PBX3: variants seen among roughly 807,000 people sequenced by gnomAD.
The protein encoded by PBX3 is pre-B-cell leukemia transcription factor 3.
In PBX3, 14 loss-of-function variants were observed where a neutral mutation model predicts 48.5. The observed-to-expected ratio is 0.29, with a 90% confidence interval of 0.19 to 0.45. The LOEUF is 0.45. PBX3 is among the 20% of genes least tolerant of loss of function. PBX3 has a pLI of 1.00. For missense variants in PBX3, 386 were observed against 546.7 expected, an observed-to-expected ratio of 0.71 and a Z score of 2.93; for synonymous variants, 210 against 200.3, an observed-to-expected ratio of 1.05 and a Z score of -0.41.
rs1837188849 is a variant in PBX3 at position 125,779,704 on chromosome 9, C to G, written c.274+31081C>G. Among the ~76,000 whole-genome samples the G allele has an allele frequency of 2.1e-5, 3 of 143,586 alleles. No individual in the cohort carries two copies. The Admixed American group carries it at 2.1e-4, about 10-fold the overall frequency. The allele number at this position is 143,586 out of a possible 152,430, so 94.2% of individuals were successfully genotyped here. ...ACCATCCGATTTCTCAATCTTTTCC[C>G]CACCTTTTCCCCCTTTCTATTCCAC... is the stretch of plus-strand genomic sequence containing the variant. On this transcript the variant is annotated intron_variant, in intron 2 of 8. Transcript: ENST00000373489.
intron 5 of PBX3, among the ~76,000 whole-genome samples, chr9:125,941,395 T>A (rs1245032694): frequency 6.6e-6 from 1 of 152,162 alleles, no homozygotes; most frequent in African/African-American, 2.4e-5. Flanking sequence ...AGGAGTGACA[T>A]GGATCTGACT....
intron 2 of PBX3, among the ~76,000 whole-genome samples, chr9:125,828,760 G>A (rs1046903071): frequency 2.0e-5 from 3 of 152,156 alleles, no homozygotes; most frequent in Non-Finnish European, 4.4e-5. Context: ...TATTCAATTT[G>A]TTAGAAAATC....
rs764891089 is a variant in PBX3, at chr9:125,870,624, A to C, written c.275-45062A>C. On this transcript the variant is annotated intron_variant, in intron 2 of 8. Coordinates refer to ENST00000373489, the MANE Select transcript of PBX3 (RefSeq NM_006195.6). Reference sequence around the variant, plus strand: ...CAAATTGTGGGAGCTACAATTCAAGATGAGGTTTGGGTGGGGACACAGCCA... The same window carrying C: ...CAAATTGTGGGAGCTACAATTCAAGCTGAGGTTTGGGTGGGGACACAGCCA... Among the ~76,000 whole-genome samples the C allele has an allele frequency of 2.0e-5, 3 of 152,212 alleles. No individual in the cohort carries two copies. The South Asian group carries it at 6.2e-4, about 32-fold the overall frequency.
chr9:125,809,325 CTTTAT>C (rs1390963058), intron 2 of PBX3, among the ~76,000 whole-genome samples: 7 of 151,824 alleles, frequency 4.6e-5, no homozygotes, highest in African/African-American at 1.7e-4. Context: ...TATAGAGTGA[CTTTAT>C]TTTATTCTTG....
At chr9:125,832,499 G>C (rs960739849) in intron 2 of PBX3, among the ~76,000 whole-genome samples, 3 of 152,058 alleles carry the variant, frequency 2.0e-5, no homozygotes, top group Admixed American at 6.5e-5. Context: ...CCAGCCTAAT[G>C]GTTTTCAGAT....
intron 2 of PBX3, among the ~76,000 whole-genome samples, chr9:125,770,279 A>G (rs186679024): frequency 1.3e-5 from 2 of 152,326 alleles, no homozygotes; most frequent in African/African-American, 4.8e-5. Context: ...CATGTGTAAT[A>G]TGAACTGTTG....
rs1245068285 is a variant in PBX3 at position 125,759,942 on chromosome 9, C to G, written c.274+11319C>G. Among the ~76,000 whole-genome samples, 1 of 152,210 alleles carries G rather than the reference C, an allele frequency of 6.6e-6. No homozygotes were observed. The highest frequency in any genetic ancestry group is 2.4e-5 in the African/African-American group (1 of 41,456). ...AACGATTGATTGGATTTGAGGGTTA[C>G]AATTGTGGGAGCACTGCTGTTGTCA... On this transcript the variant is annotated intron_variant, in intron 2 of 8. Coordinates refer to ENST00000373489, the MANE Select transcript of PBX3 (RefSeq NM_006195.6). This position sits in a 1 kb window ranked among gnomAD's most constrained non-coding sequence, Gnocchi z 4.2.
At chr9:125,840,072 G>A (rs1839246735) in intron 2 of PBX3, among the ~76,000 whole-genome samples, 1 of 151,964 alleles carries the variant, frequency 6.6e-6, no homozygotes, top group South Asian at 2.1e-4. Flanking sequence ...TTTTAAAAAT[G>A]TTTTTCATGT....
chr9:125,801,426 A>T (rs867385294), intron 2 of PBX3, among the ~76,000 whole-genome samples: 5 of 152,162 alleles, frequency 3.3e-5, no homozygotes, highest in Admixed American at 2.0e-4. Context: ...TATTTTATGG[A>T]GCTTTGGGAA....
chr9:125,843,489 T>C (rs1160005571), intron 2 of PBX3, among the ~76,000 whole-genome samples: 1 of 151,934 alleles, frequency 6.6e-6, no homozygotes, highest in Non-Finnish European at 1.5e-5. Context: ...CAGAATAAGG[T>C]TGTATTAGAG....
chr9:125,827,615 T>G (rs1838845673), intron 2 of PBX3, among the ~76,000 whole-genome samples: 1 of 152,186 alleles, frequency 6.6e-6, no homozygotes, highest in African/African-American at 2.4e-5. Context: ...GATTTTTTGC[T>G]CACCAGTTTT....
chr9:125,773,696 A>T (rs1836999398), intron 2 of PBX3, among the ~76,000 whole-genome samples: 1 of 152,092 alleles, frequency 6.6e-6, no homozygotes, highest in Admixed American at 6.5e-5. Context: ...CACCTGAGAG[A>T]GAGAGTAGAG....
chr9:125,923,210 T>C (rs2132491294), intron 3 of PBX3, among the ~76,000 whole-genome samples: 1 of 152,366 alleles, frequency 6.6e-6, no homozygotes, highest in African/African-American at 2.4e-5. Context: ...CTCTTTAGAA[T>C]CCATAGACAA....
chr9:125,852,129 T>G (rs930926956), intron 2 of PBX3, among the ~76,000 whole-genome samples: 4 of 152,182 alleles, frequency 2.6e-5, no homozygotes, highest in African/African-American at 9.7e-5. Context: ...TGCCCCCTAC[T>G]TTGTCAGGAT....
intron 2 of PBX3, among the ~76,000 whole-genome samples, chr9:125,906,065 C>A (rs1166438424): frequency 6.6e-6 from 1 of 151,870 alleles, no homozygotes; most frequent in Non-Finnish European, 1.5e-5. Flanking sequence ...TGCATACAGA[C>A]GAATGTTACA....
chr9:125,948,560 T>C (rs1323947267), intron 5 of PBX3, among the ~76,000 whole-genome samples: 1 of 152,158 alleles, frequency 6.6e-6, no homozygotes, highest in Non-Finnish European at 1.5e-5. Context: ...AGTGAAACGA[T>C]AACATACCAA....
intron 3 of PBX3, among the ~76,000 whole-genome samples, chr9:125,925,871 C>T (rs1032419410): frequency 6.6e-5 from 10 of 152,136 alleles, no homozygotes; most frequent in African/African-American, 2.4e-4. Context: ...GCTATTTCTC[C>T]TTGAAGATTT....
intron 2 of PBX3, among the ~76,000 whole-genome samples, chr9:125,843,134 A>G (rs1839331821): frequency 6.6e-6 from 1 of 152,110 alleles, no homozygotes; most frequent in Non-Finnish European, 1.5e-5. Flanking sequence ...TAAAATATCC[A>G]CAAACCTATT....
chr9:125,765,249 A>G (rs1442894678), intron 2 of PBX3, among the ~76,000 whole-genome samples: 1 of 151,806 alleles, frequency 6.6e-6, no homozygotes, highest in Admixed American at 6.6e-5. Context: ...TCCCGGCTCA[A>G]GTGATCCTCG....
Sources: gnomAD v4.1 joint callset for allele counts (sites outside exome capture counted in the v4.1 genomes callset) on GRCh38, gnomAD v4.1.1 for gene constraint, Gnocchi (gnomAD v3.1) non-coding constraint, MANE v1.5 for transcripts, NCBI Gene and HGNC (gene_info 2026-07-23, HGNC 2026-07-21) for gene names.